MTMR10: variants seen among roughly 807,000 people sequenced by gnomAD.
The protein encoded by MTMR10 is myotubularin related protein 10.
MTMR10 carries 56 observed loss-of-function variants against 88.1 expected under a neutral mutation model. The ratio of observed to expected loss-of-function variants is 0.64; its 90% CI spans 0.51 to 0.79. The LOEUF is 0.79. Ranked by LOEUF, MTMR10 falls within the 30% of genes least tolerant of loss-of-function variation. MTMR10 has a pLI of 0.00. For synonymous variants in MTMR10, 380 were observed against 340.9 expected (o/e 1.11, Z -1.26); for missense variants, 883 against 924.7 (o/e 0.95, Z 0.58).
At chr15:30,983,872 AAC>A (rs998853670) in intron 2 of MTMR10, among the ~76,000 whole-genome samples, 2 of 152,210 alleles carry the variant, frequency 1.3e-5, no homozygotes, top group African/African-American at 4.8e-5. Flanking sequence ...TGCTGGTACT[AAC>A]ACACAATGTA....
At chr15:30,967,176 C>T (rs1408188775) in intron 6 of MTMR10, among the ~76,000 whole-genome samples, 3 of 152,134 alleles carry the variant, frequency 2.0e-5, no homozygotes, top group Admixed American at 6.6e-5. Context: ...ACACAGGCTT[C>T]GCTCAGTTAA....
chr15:30,948,276 A>C, intron 13 of MTMR10, 26 bp downstream of exon 13: 1 of 1,595,466 alleles, frequency 6.3e-7, no homozygotes, highest in Non-Finnish European at 8.5e-7. Flanking sequence ...TTAAAGACTG[A>C]TAAAAAGGCA....
chr15:30,929,643 AATAT>A, the MTMR10 span, among the ~76,000 whole-genome samples: 830 of 76,622 alleles, frequency 0.011, 25 homozygotes, highest in African/African-American at 0.034. Context: ...TACAATATAC[AATAT>A]ATAATATAAT....
Position 30,960,873 on chromosome 15 carries a change from G to C in MTMR10, c.758+8C>G, listed in dbSNP as rs368594502. ...AGCCATATATAACATTGCTAAAATT[G>C]TACTTACCAAGTGGATATCATGTAA... On this transcript the variant is annotated splice_region_variant and intron_variant, in intron 7 of 15. Coordinates refer to ENST00000435680, the MANE Select transcript of MTMR10 (RefSeq NM_017762.3). 5.1e-6 allele frequency: 8 copies of C among 1,581,910 alleles called. No homozygotes were observed. Among genetic ancestry groups the C allele is most frequent in the Non-Finnish European group, 6.9e-6 (8 of 1,157,288 alleles).
At position 30,944,112 on chromosome 15, in the gene MTMR10, T is replaced by C. The variant is rs1037050015; in HGVS notation, c.1549-1040A>G. 8 of 720,426 alleles carry C rather than the reference T, an allele frequency of 1.1e-5. 1 individual carries two copies. In the South Asian group the frequency reaches 5.0e-4, roughly 45 times the overall value. The allele number at this position is 720,426 out of a possible 1,614,324, so 44.6% of individuals were successfully genotyped here. A position where few individuals can be genotyped will look rare whatever the true frequency, so the allele number is the denominator to read the frequency against. On this transcript the variant is annotated intron_variant, in intron 14 of 15. Transcript: ENST00000435680. ...CAAGAATATAGCAGTCAGGAGGCCA[T>C]GACTACATCACAGCCAGGTGGCATT...
the MTMR10 span, among the ~76,000 whole-genome samples, chr15:30,919,257 G>A: frequency 6.6e-6 from 1 of 151,140 alleles, no homozygotes; most frequent in Non-Finnish European, 1.5e-5. Flanking sequence ...GTGCCTGCCT[G>A]TAATCCCAGC....
At chr15:30,927,286 C>T in the MTMR10 span, 718 of 985,404 alleles carry the variant, frequency 7.3e-4, 3 homozygotes, top group African/African-American at 7.5e-3. Flanking sequence ...TTCACCAGGA[C>T]GGAACACTGA....
intron 5 of MTMR10, among the ~76,000 whole-genome samples, chr15:30,972,134 A>G (rs919969029): frequency 1.3e-5 from 2 of 152,200 alleles, no homozygotes; most frequent in Non-Finnish European, 2.9e-5. Flanking sequence ...TAAAATAGCA[A>G]AGCATTTTCC....
chr15:30,960,120 A>C (rs1435040271), intron 7 of MTMR10, among the ~76,000 whole-genome samples: 1 of 152,224 alleles, frequency 6.6e-6, no homozygotes, highest in Non-Finnish European at 1.5e-5. Flanking sequence ...GAACAATAGC[A>C]ATCCTTAGTG....
chr15:30,932,617 C>G, the MTMR10 span, among the ~76,000 whole-genome samples: 152 of 152,086 alleles, frequency 1.0e-3, 1 homozygote, highest in African/African-American at 3.3e-3. Flanking sequence ...TTCATATTAT[C>G]TGTTTCTTCT....
chr15:30,981,943 C>T (rs2141063316), intron 2 of MTMR10, among the ~76,000 whole-genome samples: 1 of 151,964 alleles, frequency 6.6e-6, no homozygotes, highest in Non-Finnish European at 1.5e-5. Flanking sequence ...TGGTGGTGCG[C>T]ACCTGTACTC....
chr15:30,930,713 T>A, the MTMR10 span: 668 of 1,606,940 alleles, frequency 4.2e-4, no homozygotes, highest in South Asian at 8.5e-4. Context: ...GTAACCTTAT[T>A]AGCAACTGAA....
chr15:30,978,778 G>C (rs61080715), intron 2 of MTMR10, among the ~76,000 whole-genome samples: 3,585 of 152,136 alleles, frequency 0.024, 136 homozygotes, highest in African/African-American at 0.082. Flanking sequence ...AATTCCCATA[G>C]TCTTTCCCTA....
chr15:30,955,851 T>A (rs2063319698), intron 9 of MTMR10, among the ~76,000 whole-genome samples: 1 of 152,104 alleles, frequency 6.6e-6, no homozygotes, highest in Non-Finnish European at 1.5e-5. Flanking sequence ...CCACCCTTCC[T>A]CTATTCTTAG....
At chr15:30,928,000 C>T in the MTMR10 span, 1 of 985,716 alleles carries the variant, frequency 1.0e-6, no homozygotes, top group Non-Finnish European at 1.2e-6. Flanking sequence ...AAAGCCTTGA[C>T]TATCGGAAGC....
chr15:30,990,171 G>A (rs1298825558), intron 2 of MTMR10, among the ~76,000 whole-genome samples: 2 of 152,066 alleles, frequency 1.3e-5, no homozygotes, highest in East Asian at 3.9e-4. Context: ...GTGGCATTTT[G>A]GTGTGGCAAC....
chr15:30,922,156 A>G, the MTMR10 span: 3 of 1,524,676 alleles, frequency 2.0e-6, no homozygotes, highest in Non-Finnish European at 2.7e-6. Context: ...AGGCTTTACC[A>G]ATCCTATGGG....
Position 30,960,964 on chromosome 15 carries a change from C to A in MTMR10, c.675G>T (p.Ser225=), listed in dbSNP as rs774989747. The A allele has an allele frequency of 1.9e-6, 3 of 1,607,858 alleles. No individual in the cohort carries two copies. In the African/African-American group the frequency reaches 4.0e-5, roughly 21 times the overall value. ...TCCTCTTGATTTCTCTGTCCCAATC[C>A]GAGTAAGTTTCAAAGAGTGGAGTTT... ...SQKTPLFETY[S]DWDREIKRTG... Residue 225 remains serine, a synonymous_variant, in exon 7 of 16, where the codon TCG becomes TCT. Coordinates refer to ENST00000435680, the MANE Select transcript of MTMR10 (RefSeq NM_017762.3).
At position 30,942,939 on chromosome 15, in the gene MTMR10, C is replaced by T. The variant is rs1418487979; in HGVS notation, c.1682G>A (p.Ser561Asn). The change falls in exon 15 of 16, where the codon AGC (serine) becomes AAC (asparagine). Residue 561 changes from serine to asparagine, a missense_variant. By Grantham distance (46) the Ser-to-Asn change is conservative. Coordinates refer to ENST00000435680, the MANE Select transcript of MTMR10 (RefSeq NM_017762.3). Reference protein sequence around the residue: ...LFHNPFYIGKSTPCIQNGSVK... With the variant: ...LFHNPFYIGKNTPCIQNGSVK... ...GGAGCCATTCTGTATACAAGGTGTG[C>T]TCTTTCCAATGTAGAAGGGGTTATG... is the stretch of plus-strand genomic sequence containing the variant. 1.3e-6 allele frequency: 2 copies of T among 1,566,816 alleles called. No individual in the cohort carries two copies. The highest frequency in any genetic ancestry group is 2.3e-5 in the South Asian group (2 of 85,188).
Sources: allele counts gnomAD v4.1 joint callset (sites outside exome capture counted in the v4.1 genomes callset), GRCh38; gene constraint gnomAD v4.1.1; transcripts MANE v1.5; gene names NCBI Gene and HGNC (gene_info 2026-07-23, HGNC 2026-07-21).